TCP11: variants seen among roughly 807,000 people sequenced by gnomAD.
The protein encoded by TCP11 is T-complex protein 11 homolog.
In TCP11, 34 loss-of-function variants were observed where a neutral mutation model predicts 45.0. The observed-to-expected ratio is 0.76, with a 90% confidence interval of 0.57 to 1.01. The LOEUF is 1.01. Ranked by LOEUF, TCP11 falls within the 50% of genes least tolerant of loss-of-function variation. TCP11 has a pLI of 0.00. For missense variants in TCP11, 523 were observed against 598.1 expected (o/e 0.87, Z 1.31); for synonymous variants, 227 against 227.0 (o/e 1.00, Z 0.00).
chr6:35,140,064 T>C, intron 2 of TCP11: 1 of 1,614,090 alleles, frequency 6.2e-7, no homozygotes, highest in Non-Finnish European at 8.5e-7. Context: ...TGCCTTTTGG[T>C]GCCATTCAGT....
At chr6:35,141,163 G>C in intron 1 of TCP11, 42 bp downstream of exon 1, 1 of 1,324,266 alleles carries the variant, frequency 7.6e-7, no homozygotes, top group Non-Finnish European at 9.6e-7. Flanking sequence ...CCCCTCGCCC[G>C]AAACGCCGGC....
intron 2 of TCP11, chr6:35,140,301 C>G: frequency 8.5e-7 from 1 of 1,170,648 alleles, no homozygotes; most frequent in Non-Finnish European, 1.2e-6. Context: ...GACCTTGTGC[C>G]CCAACAAGAA....
intron 4 of TCP11, among the ~76,000 whole-genome samples, chr6:35,127,723 G>A (rs1016049429): frequency 3.3e-5 from 5 of 152,172 alleles, no homozygotes; most frequent in African/African-American, 9.7e-5. Flanking sequence ...TTTGAGGAGC[G>A]GCCAGTGATG....
rs371115731 is a variant in TCP11, at chr6:35,120,532, T to C, written c.830A>G (p.Asn277Ser). 1.1e-4 allele frequency: 178 copies of C among 1,613,992 alleles called. 1 individual carries two copies. The highest frequency in any genetic ancestry group is 1.1e-3 in the South Asian group (97 of 91,078). The change falls in exon 7 of 10, where the codon AAT becomes AGT. Residue 277 changes from asparagine to serine, a missense_variant. By Grantham distance (46) the Asn-to-Ser change is conservative. This residue lies in a region of TCP11 where 298 missense variants were observed against 387.9 expected (regional missense o/e 0.77). Coordinates refer to ENST00000311875, the MANE Select transcript of TCP11 (RefSeq NM_001370687.1). This position sits in a 1 kb window ranked among gnomAD's most constrained non-coding sequence, Gnocchi z 4.9. ...DSSSVAGPSP[N>S]EAANNPEPLS... is the part of the protein sequence containing the mutation. Reference sequence around the variant, plus strand: ...GGGCTCTGGGTTGTTGGCTGCCTCATTGGGAGAGGGGCCAGCCACACTGGA... The same window carrying C: ...GGGCTCTGGGTTGTTGGCTGCCTCACTGGGAGAGGGGCCAGCCACACTGGA...
chr6:35,131,428 T>C (rs2395612), intron 3 of TCP11, among the ~76,000 whole-genome samples: 102,083 of 151,516 alleles, frequency 0.67, 34,533 homozygotes, highest in Middle Eastern at 0.84. Context: ...ATTAGCAGGG[T>C]GTGGTGGCAC....
chr6:35,141,160 C>A (rs1449153318), intron 1 of TCP11, 45 bp downstream of exon 1: 18 of 1,324,374 alleles, frequency 1.4e-5, no homozygotes, highest in Non-Finnish European at 1.7e-5. Flanking sequence ...GCCCCCCTCG[C>A]CCGAAACGCC....
chr6:35,139,743 T>C (rs1334761438), intron 2 of TCP11, among the ~76,000 whole-genome samples: 1 of 152,126 alleles, frequency 6.6e-6, no homozygotes, highest in Non-Finnish European at 1.5e-5. Context: ...CACTAAGCAA[T>C]TCCAAAACAG....
chr6:35,140,916 T>A (rs768957256), intron 1 of TCP11, 32 bp from the exon 2 acceptor site: 56 of 1,419,970 alleles, frequency 3.9e-5, no homozygotes, highest in Non-Finnish European at 5.2e-5. Flanking sequence ...GTTGTTGGCG[T>A]CGGGGAAGGG....
Position 35,129,132 on chromosome 6 carries a change from AG to A in TCP11, c.286del (p.Glu98SerfsTer17). 1 of 1,614,172 alleles carries A rather than the reference AG, an allele frequency of 6.2e-7. No homozygotes were observed. Among genetic ancestry groups the A allele is most frequent in the Non-Finnish European group, 8.5e-7 (1 of 1,180,016 alleles). On this transcript the variant is annotated frameshift_variant, in exon 4 of 10. Coordinates refer to ENST00000311875, the MANE Select transcript of TCP11 (RefSeq NM_001370687.1). LOFTEE classifies it high-confidence loss of function. ...ETVHNAFWDH[L>X]KEQLSATPPD... ...GGGAGTTGCTGATAGTTGCTCTTTAAGATGGTCCCAAAAGGCATTGTGCACT... is the reference window on the plus strand; with the variant it reads ...GGGAGTTGCTGATAGTTGCTCTTTAAATGGTCCCAAAAGGCATTGTGCACT...
chr6:35,127,005 T>C (rs1373639128), intron 4 of TCP11, among the ~76,000 whole-genome samples: 2 of 151,902 alleles, frequency 1.3e-5, no homozygotes, highest in Admixed American at 1.3e-4. Context: ...AATACATGGG[T>C]CCAGGAATCA....
At chr6:35,133,345 T>TA (rs985196668) in intron 3 of TCP11, among the ~76,000 whole-genome samples, 9 of 151,646 alleles carry the variant, frequency 5.9e-5, no homozygotes, top group African/African-American at 1.2e-4. Flanking sequence ...TTTTGCTAAT[T>TA]AAAAAAAAAT....
intron 2 of TCP11, among the ~76,000 whole-genome samples, chr6:35,139,102 C>T (rs757499179): frequency 1.3e-5 from 2 of 151,912 alleles, no homozygotes; most frequent in African/African-American, 4.8e-5. Context: ...GCAGGAGAAT[C>T]GCTTGAACCC....
At chr6:35,130,674 G>A (rs1225464589) in intron 3 of TCP11, among the ~76,000 whole-genome samples, 4 of 152,062 alleles carry the variant, frequency 2.6e-5, no homozygotes, top group African/African-American at 9.7e-5. Context: ...ACCGCTATAT[G>A]ACACCTATTA....
In TCP11 at chr6:35,140,738, T is replaced by C; in HGVS notation, c.124+9A>G. 6.5e-7 allele frequency: 1 copy of C among 1,527,022 alleles called. No homozygotes were observed. Among genetic ancestry groups the C allele is most frequent in the Non-Finnish European group, 8.8e-7 (1 of 1,142,004 alleles). 94.6% of individuals were successfully genotyped at this position (1,527,022 alleles called of 1,614,324 possible). On this transcript the variant is annotated intron_variant, in intron 2 of 9. Coordinates refer to ENST00000311875, the MANE Select transcript of TCP11 (RefSeq NM_001370687.1). ...TAGGGGGCCACAGGGACTGCCGAGC[T>C]GGACCTACAGGGAGGGGGGTCCTCG... is the stretch of plus-strand genomic sequence containing the variant.
intron 2 of TCP11, 67 bp downstream of exon 2, chr6:35,140,680 G>A: frequency 2.5e-6 from 2 of 793,642 alleles, no homozygotes; most frequent in Non-Finnish European, 4.3e-6. Context: ...GGGGGATGGG[G>A]GGGCCTGCGG....
chr6:35,141,287 G>A lies in TCP11; in HGVS notation c.-97C>T. 7.7e-7 allele frequency: 1 copy of A among 1,294,632 alleles called. No individual in the cohort carries two copies. Among genetic ancestry groups the A allele is most frequent in the Non-Finnish European group, 9.8e-7 (1 of 1,022,214 alleles). The allele number at this position is 1,294,632 out of a possible 1,614,324, so 80.2% of individuals were successfully genotyped here. On this transcript the variant is annotated 5_prime_UTR_variant, in exon 1 of 10. Coordinates refer to ENST00000311875, the MANE Select transcript of TCP11 (RefSeq NM_001370687.1). ...TGGCGGCCTGGAGCGTACCACCGCG[G>A]CGGAGCGGCGGGTTGGGGCGTCGCA...
Position 35,120,831 on chromosome 6 carries a change from T to G in TCP11, c.715+78A>C. 1 of 1,509,458 alleles carries G rather than the reference T, an allele frequency of 6.6e-7. No homozygotes were observed. Among genetic ancestry groups the G allele is most frequent in the Non-Finnish European group, 8.9e-7 (1 of 1,120,570 alleles). The allele number at this position is 1,509,458 out of a possible 1,614,324, so 93.5% of individuals were successfully genotyped here. On this transcript the variant is annotated intron_variant, in intron 6 of 9. Transcript: ENST00000311875. This position sits in a 1 kb window ranked among gnomAD's most constrained non-coding sequence, Gnocchi z 4.9. ...GCAACTTTCTATTCCTAAAAAGAGA[T>G]AGAGTACTCTCTAACATTATAAAAG...
rs1157125636 is a variant in TCP11 at position 35,120,370 on chromosome 6, G to C, written c.934-30C>G. On this transcript the variant is annotated intron_variant, in intron 7 of 9. Coordinates refer to ENST00000311875, the MANE Select transcript of TCP11 (RefSeq NM_001370687.1). The surrounding 1 kb of genome is among the most constrained non-coding windows in gnomAD (Gnocchi z 4.9). ...GAACCAGGGAAGAACAGGCTGTCAGGGGAAGTCCCGATGGAAGCCCTGAAC... is the reference window on the plus strand; with the variant it reads ...GAACCAGGGAAGAACAGGCTGTCAGCGGAAGTCCCGATGGAAGCCCTGAAC... The C allele has an allele frequency of 6.2e-7, 1 of 1,603,400 alleles. No individual in the cohort carries two copies. Among genetic ancestry groups the C allele is most frequent in the Admixed American group, 1.7e-5 (1 of 59,050 alleles).
intron 3 of TCP11, among the ~76,000 whole-genome samples, chr6:35,134,987 A>G (rs1030181988): frequency 6.6e-6 from 1 of 152,128 alleles, no homozygotes; most frequent in Non-Finnish European, 1.5e-5. Flanking sequence ...ATCTCCACTA[A>G]AAATACAAAA....
Sources: allele counts gnomAD v4.1 joint callset (sites outside exome capture counted in the v4.1 genomes callset), GRCh38; gene constraint gnomAD v4.1.1; regional missense constraint gnomAD v4.1.1; non-coding constraint Gnocchi (gnomAD v3.1); transcripts MANE v1.5; gene names NCBI Gene and HGNC (gene_info 2026-07-23, HGNC 2026-07-21).